Variants in HDAC4 observed in about 807,000 individuals in gnomAD.
HDAC4 encodes the protein histone deacetylase A.
In HDAC4, 16 loss-of-function variants were observed where a neutral mutation model predicts 135.1. The observed-to-expected ratio is 0.12, with a 90% CI of 0.08 to 0.18. HDAC4 has a LOEUF of 0.18. Ranked by LOEUF, HDAC4 falls within the 10% of genes least tolerant of loss-of-function variation. The pLI is 1.00. For missense variants in HDAC4, 1,143 were observed against 1,511.8 expected (o/e 0.76, Z 4.05); for synonymous variants, 685 against 653.4 (o/e 1.05, Z -0.74).
In HDAC4 at chr2:239,299,025, C is replaced by T. The variant is rs987889806; in HGVS notation, c.22+53653G>A. 5.3e-5 allele frequency among the ~76,000 whole-genome samples: 8 copies of T among 151,894 alleles called. No homozygotes were observed. The highest frequency in any genetic ancestry group is 8.8e-5 in the Non-Finnish European group (6 of 67,952). ...CTGGGACTACAGGTGCCCGCCACCA[C>T]GCCCAGCTAATTTTTTGTATTTTTA... On this transcript the variant is annotated intron_variant, in intron 2 of 26. Coordinates refer to ENST00000543185, the MANE Select transcript of HDAC4 (RefSeq NM_001378414.1). The surrounding 1 kb of genome is among the most constrained non-coding windows in gnomAD (Gnocchi z 4.0).
chr2:239,209,211 A>G (rs530212669), intron 3 of HDAC4, among the ~76,000 whole-genome samples: 1 of 152,360 alleles, frequency 6.6e-6, no homozygotes, highest in East Asian at 1.9e-4. Flanking sequence ...AATGGTCTAA[A>G]TAAATGGCAA....
In HDAC4 at chr2:239,245,622, A is replaced by C. The variant is rs1171746194; in HGVS notation, c.23-8958T>G. Among the ~76,000 whole-genome samples the C allele has an allele frequency of 6.6e-6, 1 of 152,128 alleles. No individual in the cohort carries two copies. On this transcript the variant is annotated intron_variant, in intron 2 of 26. Coordinates refer to ENST00000543185, the MANE Select transcript of HDAC4 (RefSeq NM_001378414.1). This position sits in a 1 kb window ranked among gnomAD's most constrained non-coding sequence, Gnocchi z 4.4. ...AGAAAATAAAGGTGTGGAGAGATGA[A>C]GTGGTCACGATGGAGAGCCTCAGGG... is the stretch of plus-strand genomic sequence containing the variant.
At chr2:239,366,628 TAA>T (rs988583504) in intron 1 of HDAC4, among the ~76,000 whole-genome samples, 1 of 152,038 alleles carries the variant, frequency 6.6e-6, no homozygotes, top group Non-Finnish European at 1.5e-5. Context: ...TGCTGTGAAA[TAA>T]AAGAATTTCA....
chr2:239,218,530 G>A (rs2046770285), intron 3 of HDAC4, among the ~76,000 whole-genome samples: 1 of 150,676 alleles, frequency 6.6e-6, no homozygotes, highest in African/African-American at 2.4e-5. Flanking sequence ...AGAAAACCTA[G>A]GCAATACCAT....
At chr2:239,283,238 G>C (rs2050924110) in intron 2 of HDAC4, among the ~76,000 whole-genome samples, 2 of 152,232 alleles carry the variant, frequency 1.3e-5, no homozygotes, top group South Asian at 4.1e-4. Flanking sequence ...GGCGAGTCAA[G>C]CTGGCTGGAA....
chr2:239,244,345 G>A (rs1184118647), intron 2 of HDAC4, among the ~76,000 whole-genome samples: 2 of 152,178 alleles, frequency 1.3e-5, no homozygotes, highest in African/African-American at 4.8e-5. Flanking sequence ...AAACTGGCAG[G>A]TGTCTGTGAG....
intron 2 of HDAC4, among the ~76,000 whole-genome samples, chr2:239,315,428 A>T (rs2053074654): frequency 6.6e-6 from 1 of 152,240 alleles, no homozygotes; most frequent in African/African-American, 2.4e-5. Flanking sequence ...AAGAGAGATG[A>T]TGGGAGAGCA....
intron 2 of HDAC4, among the ~76,000 whole-genome samples, chr2:239,244,658 T>C (rs1398496566): frequency 1.3e-5 from 2 of 152,130 alleles, no homozygotes; most frequent in Non-Finnish European, 2.9e-5. Flanking sequence ...GTCAGCCAAA[T>C]ACTCAAATTC....
chr2:239,353,813 C>A (rs1417469051), intron 1 of HDAC4, among the ~76,000 whole-genome samples: 2 of 152,170 alleles, frequency 1.3e-5, no homozygotes, highest in Non-Finnish European at 2.9e-5. Context: ...AAATCACTTT[C>A]AGCACATTCC....
At chr2:239,188,087 T>C (rs1243393496) in intron 4 of HDAC4, among the ~76,000 whole-genome samples, 2 of 151,974 alleles carry the variant, frequency 1.3e-5, no homozygotes, top group Non-Finnish European at 2.9e-5. Context: ...GCCAGAAACC[T>C]CCCAGCCCCC....
chr2:239,364,874 C>A (rs1044875774), intron 1 of HDAC4, among the ~76,000 whole-genome samples: 2 of 152,224 alleles, frequency 1.3e-5, no homozygotes, highest in African/African-American at 4.8e-5. Flanking sequence ...CCATACTACT[C>A]CTCTTAAAAG....
rs1489708768 is a variant in HDAC4, at chr2:239,308,737, G to A, written c.22+43941C>T. Among the ~76,000 whole-genome samples, 1 of 152,140 alleles carries A rather than the reference G, an allele frequency of 6.6e-6. No homozygotes were observed. The highest frequency in any genetic ancestry group is 2.4e-5 in the African/African-American group (1 of 41,402). On this transcript the variant is annotated intron_variant, in intron 2 of 26. Transcript: ENST00000543185. The surrounding 1 kb of genome is among the most constrained non-coding windows in gnomAD (Gnocchi z 4.2). ...GCAGAAACTCCGAATCTGCTAACGT[G>A]AAGTGCCAAGACTGCTGTCCGCCAG...
chr2:239,178,173 G>C (rs2043893864), intron 4 of HDAC4, among the ~76,000 whole-genome samples: 1 of 152,208 alleles, frequency 6.6e-6, no homozygotes, highest in Admixed American at 6.5e-5. Context: ...TGCCTGCCTG[G>C]GAGAGCCTCT....
Position 239,146,665 on chromosome 2 carries a change from G to A in HDAC4, c.734-1951C>T, listed in dbSNP as rs1336604656. On this transcript the variant is annotated intron_variant, in intron 7 of 26. Transcript: ENST00000543185. This position sits in a 1 kb window ranked among gnomAD's most constrained non-coding sequence, Gnocchi z 4.5. ...TCTTTGTGCAAGAGACTCTTGAGGA[G>A]AGTCCCATGGTGGCTGCTTCACCCC... Among the ~76,000 whole-genome samples the A allele has an allele frequency of 6.6e-6, 1 of 151,864 alleles. No individual in the cohort carries two copies. The highest frequency in any genetic ancestry group is 1.5e-5 in the Non-Finnish European group (1 of 67,936).
At chr2:239,124,735 C>CCACG (rs1559475417) in intron 12 of HDAC4, among the ~76,000 whole-genome samples, 2 of 130,358 alleles carry the variant, frequency 1.5e-5, no homozygotes, top group African/African-American at 5.6e-5. Flanking sequence ...TGGCGTGTGG[C>CCACG]TGCGTTATAT....
intron 2 of HDAC4, among the ~76,000 whole-genome samples, chr2:239,337,836 T>A (rs1375353413): frequency 6.6e-6 from 1 of 152,116 alleles, no homozygotes; most frequent in Non-Finnish European, 1.5e-5. Context: ...GCAGAATAAA[T>A]GAGCGGACTG....
intron 22 of HDAC4, among the ~76,000 whole-genome samples, chr2:239,075,620 C>A (rs771572735): frequency 6.6e-6 from 1 of 152,222 alleles, no homozygotes; most frequent in Non-Finnish European, 1.5e-5. Flanking sequence ...GGCTTCTCCT[C>A]GCGGTGGCCT....
At chr2:239,188,023 G>C (rs1450774319) in intron 4 of HDAC4, among the ~76,000 whole-genome samples, 1 of 152,216 alleles carries the variant, frequency 6.6e-6, no homozygotes, top group Non-Finnish European at 1.5e-5. Context: ...AAATGCCAAG[G>C]CAACGGTGCC....
chr2:239,085,345 A>T (rs2035829946), intron 19 of HDAC4, among the ~76,000 whole-genome samples: 1 of 152,210 alleles, frequency 6.6e-6, no homozygotes. Flanking sequence ...TCTTGATCTC[A>T]AATTCCCTTT....
Sources: allele counts gnomAD v4.1 joint callset (sites outside exome capture counted in the v4.1 genomes callset), GRCh38; gene constraint gnomAD v4.1.1; non-coding constraint Gnocchi (gnomAD v3.1); transcripts MANE v1.5; gene names NCBI Gene and HGNC (gene_info 2026-07-23, HGNC 2026-07-21).